The following KCNIP1 variants were observed in gnomAD, a reference collection of about 807,000 sequenced individuals.
The protein encoded by KCNIP1 is potassium voltage-gated channel interacting protein 1.
Under a neutral mutation model 33.0 loss-of-function variants are expected in KCNIP1, and 18 were observed. That is an observed-to-expected ratio of 0.55 (90% CI 0.38 to 0.81). KCNIP1 has a LOEUF of 0.81. Among genes scored for constraint, KCNIP1 ranks in the 30% least tolerant of loss-of-function variants. The pLI, the probability that KCNIP1 is intolerant of heterozygous loss-of-function variation, is 0.00. For missense variants in KCNIP1, 238 were observed against 271.6 expected, an observed-to-expected ratio of 0.88 and a Z score of 0.87; for synonymous variants, 93 against 98.3, an observed-to-expected ratio of 0.95 and a Z score of 0.32.
At chr5:170,478,243 C>A (rs753801186) in intron 1 of KCNIP1, among the ~76,000 whole-genome samples, 1 of 152,156 alleles carries the variant, frequency 6.6e-6, no homozygotes, top group Non-Finnish European at 1.5e-5. Flanking sequence ...TCATTTGATA[C>A]CTTTTGTAAG....
intron 1 of KCNIP1, among the ~76,000 whole-genome samples, chr5:170,700,358 A>T (rs1447123100): frequency 1.3e-5 from 2 of 152,154 alleles, no homozygotes; most frequent in African/African-American, 2.4e-5. Flanking sequence ...CATTATTTTT[A>T]AAAAATCATT....
intron 1 of KCNIP1, among the ~76,000 whole-genome samples, chr5:170,688,264 G>A (rs1000296385): frequency 2.0e-5 from 3 of 152,144 alleles, no homozygotes; most frequent in South Asian, 2.1e-4. Context: ...ATTATGAGAA[G>A]TACCTAAATA....
chr5:170,707,416 A>G (rs936675885), intron 1 of KCNIP1, among the ~76,000 whole-genome samples: 2 of 152,208 alleles, frequency 1.3e-5, no homozygotes, highest in African/African-American at 2.4e-5. Context: ...TAGTGCTGGA[A>G]TCTAGATAAT....
At chr5:170,693,109 G>A (rs1029875679) in intron 1 of KCNIP1, among the ~76,000 whole-genome samples, 1 of 152,196 alleles carries the variant, frequency 6.6e-6, no homozygotes, top group Non-Finnish European at 1.5e-5. Context: ...TGACATTCAG[G>A]GAATGGAAAT....
intron 1 of KCNIP1, among the ~76,000 whole-genome samples, chr5:170,635,690 T>C (rs982837305): frequency 2.0e-5 from 3 of 152,222 alleles, no homozygotes; most frequent in Non-Finnish European, 4.4e-5. Context: ...GTTTCAGGTT[T>C]TGTCTCCAGC....
intron 1 of KCNIP1, among the ~76,000 whole-genome samples, chr5:170,436,037 A>G (rs1049574494): frequency 7.9e-5 from 12 of 152,040 alleles, no homozygotes; most frequent in African/African-American, 2.9e-4. Flanking sequence ...CCTCGTCCCA[A>G]TCCTCTGTAA....
chr5:170,378,347 T>C (rs997286859), intron 1 of KCNIP1: 65 of 206,096 alleles, frequency 3.2e-4, no homozygotes, highest in Middle Eastern at 1.8e-3. Context: ...GGGTACCGCT[T>C]TGAGACAACA....
chr5:170,718,631 C>A, intron 1 of KCNIP1, 127 bp from the exon 2 acceptor site: 1 of 1,048,894 alleles, frequency 9.5e-7, no homozygotes, highest in Non-Finnish European at 1.4e-6. Context: ...AGGCCATTGG[C>A]AGTGTGACCC....
At chr5:170,682,784 C>CTTTTTTTTTTCTTTTTTTTT (rs1762396898) in intron 1 of KCNIP1, among the ~76,000 whole-genome samples, 3 of 71,402 alleles carry the variant, frequency 4.2e-5, no homozygotes, top group Non-Finnish European at 7.2e-5. Flanking sequence ...TTCTTTGTTT[C>CTTTTTTTTTTCTTTTTTTTT]TTTTTTTTTT....
At chr5:170,503,960 C>G, upstream of KCNIP1, 38 of 785,626 alleles carry the variant, frequency 4.8e-5, no homozygotes, top group South Asian at 5.8e-5. Flanking sequence ...CCCTCGCCCC[C>G]GCCCCGCCCC....
intron 1 of KCNIP1, among the ~76,000 whole-genome samples, chr5:170,495,267 T>C (rs1757288765): frequency 6.6e-6 from 1 of 152,188 alleles, no homozygotes; most frequent in African/African-American, 2.4e-5. Context: ...CATTCTGTGG[T>C]CACTGTGCCA....
chr5:170,606,648 G>A (rs919385966), intron 1 of KCNIP1, among the ~76,000 whole-genome samples: 3 of 152,086 alleles, frequency 2.0e-5, no homozygotes, highest in Non-Finnish European at 4.4e-5. Flanking sequence ...GGGAGGGGCA[G>A]GCCGTGAGAC....
At chr5:170,619,080 AC>A (rs1188371448) in intron 1 of KCNIP1, among the ~76,000 whole-genome samples, 3 of 152,182 alleles carry the variant, frequency 2.0e-5, no homozygotes, top group African/African-American at 7.2e-5. Flanking sequence ...TGTTGAAGAG[AC>A]GGATGGATAA....
chr5:170,692,255 A>G (rs747418812), intron 1 of KCNIP1, among the ~76,000 whole-genome samples: 2 of 152,182 alleles, frequency 1.3e-5, no homozygotes, highest in Non-Finnish European at 2.9e-5. Context: ...CAAATGCAAC[A>G]GGAAAGAAGC....
chr5:170,438,065 A>G (rs779846764), intron 1 of KCNIP1, among the ~76,000 whole-genome samples: 1 of 151,914 alleles, frequency 6.6e-6, no homozygotes, highest in Non-Finnish European at 1.5e-5. Context: ...CAGAGACTCA[A>G]GGCTTGGAGG....
At chr5:170,652,942 G>T (rs1037747190) in intron 1 of KCNIP1, among the ~76,000 whole-genome samples, 3 of 152,200 alleles carry the variant, frequency 2.0e-5, no homozygotes, top group Admixed American at 6.5e-5. Flanking sequence ...AAAAACGAAG[G>T]CCCTGCCTTC....
chr5:170,666,936 T>C (rs1761726366), intron 1 of KCNIP1, among the ~76,000 whole-genome samples: 1 of 152,254 alleles, frequency 6.6e-6, no homozygotes, highest in African/African-American at 2.4e-5. Context: ...GTTGGCCTCA[T>C]TTTCCTCTTC....
At chr5:170,495,982 G>C (rs1757303105) in intron 1 of KCNIP1, among the ~76,000 whole-genome samples, 1 of 152,168 alleles carries the variant, frequency 6.6e-6, no homozygotes, top group Admixed American at 6.5e-5. Context: ...GGAGCCCGGA[G>C]CCAGCTCTGA....
chr5:170,506,514 A>AT (rs1166688025), intron 1 of KCNIP1, among the ~76,000 whole-genome samples: 9 of 152,048 alleles, frequency 5.9e-5, no homozygotes, highest in Non-Finnish European at 1.2e-4. Flanking sequence ...GCTGTCTACC[A>AT]TTTCCTTCTC....
Sources: gnomAD v4.1 joint callset for allele counts (sites outside exome capture counted in the v4.1 genomes callset) on GRCh38, gnomAD v4.1.1 for gene constraint, MANE v1.5 for transcripts, NCBI Gene and HGNC (gene_info 2026-07-23, HGNC 2026-07-21) for gene names.